TEKT5: variants seen among roughly 807,000 people sequenced by gnomAD.
TEKT5 encodes the protein tektin 5, also known as tektin-5.
In TEKT5, 52 loss-of-function variants were observed where a neutral mutation model predicts 48.7. The ratio of observed to expected loss-of-function variants is 1.07; its 90% CI spans 0.86 to 1.35. TEKT5 has a LOEUF of 1.35. Ranked by LOEUF, TEKT5 falls within the 40% of genes most tolerant of loss-of-function variation. TEKT5 has a pLI of 0.00. For missense variants in TEKT5, 831 were observed against 641.6 expected (o/e 1.30, Z -3.19); for synonymous variants, 318 against 267.6 (o/e 1.19, Z -1.84).
chr16:10,684,898 G>C (rs917425482), intron 3 of TEKT5, among the ~76,000 whole-genome samples: 1 of 152,186 alleles, frequency 6.6e-6, no homozygotes, highest in Non-Finnish European at 1.5e-5. Flanking sequence ...GCCCAGATGC[G>C]GGCCTCAGGC....
At chr16:10,665,896 C>T (rs944192672) in intron 5 of TEKT5, among the ~76,000 whole-genome samples, 3 of 152,194 alleles carry the variant, frequency 2.0e-5, no homozygotes, top group Non-Finnish European at 2.9e-5. Flanking sequence ...CCACAGATAG[C>T]AGAGCCTCTG....
chr16:10,677,515 C>T (rs1898669466), intron 4 of TEKT5, among the ~76,000 whole-genome samples: 1 of 145,692 alleles, frequency 6.9e-6, no homozygotes, highest in Non-Finnish European at 1.5e-5. Context: ...AAGGCTGAGG[C>T]AGGAGAATCA....
chr16:10,689,720 T>C (rs1442328373), intron 2 of TEKT5, among the ~76,000 whole-genome samples: 1 of 152,294 alleles, frequency 6.6e-6, no homozygotes, highest in South Asian at 2.1e-4. Context: ...GGTATATTAT[T>C]ATCATGCCCA....
At chr16:10,687,947 C>T (rs1325120743) in intron 3 of TEKT5, among the ~76,000 whole-genome samples, 5 of 152,128 alleles carry the variant, frequency 3.3e-5, no homozygotes, top group Non-Finnish European at 5.9e-5. Context: ...GTATCCATCC[C>T]CTCCAGCATT....
intron 5 of TEKT5, among the ~76,000 whole-genome samples, chr16:10,658,746 C>T (rs1898308424): frequency 6.6e-6 from 1 of 150,888 alleles, no homozygotes; most frequent in Non-Finnish European, 1.5e-5. Context: ...GAGACAGAGT[C>T]TCACTCTGTC....
rs550751543 is a variant in TEKT5, at chr16:10,648,621, C to T, written c.1087-12703G>A. 3.9e-5 allele frequency among the ~76,000 whole-genome samples: 6 copies of T among 152,298 alleles called. No homozygotes were observed. In the South Asian group the frequency reaches 1.2e-3, roughly 32 times the overall value. On this transcript the variant is annotated intron_variant, in intron 5 of 6. Coordinates refer to ENST00000283025, the MANE Select transcript of TEKT5 (RefSeq NM_144674.2). Reference sequence around the variant, plus strand: ...TGCTGGGATTACAGGCATGAGCCACCACGCCCTGCCTGCATCCCCTGGTTT... The same window carrying T: ...TGCTGGGATTACAGGCATGAGCCACTACGCCCTGCCTGCATCCCCTGGTTT...
chr16:10,650,095 G>A (rs548599541), intron 5 of TEKT5, among the ~76,000 whole-genome samples: 3 of 146,674 alleles, frequency 2.0e-5, no homozygotes, highest in South Asian at 2.2e-4. Context: ...TTTTTGAGAC[G>A]AAGTCTTGCT....
rs141126686 is a variant in TEKT5, at chr16:10,635,796, G to T, written c.1209C>A (p.Asn403Lys). 3.3e-4 allele frequency: 538 copies of T among 1,614,186 alleles called. 2 individuals are homozygous for T. The African/African-American group carries it at 6.4e-3, about 19-fold the overall frequency. Reference protein sequence around the residue: ...TRLECRTRRPNMELCRDIPQL... With the variant: ...TRLECRTRRPKMELCRDIPQL... Reference sequence around the variant, plus strand: ...GCGGGATGTCCCTGCACAGCTCCATGTTGGGGCGCCGGGTCCGGCACTCCA... The same window carrying T: ...GCGGGATGTCCCTGCACAGCTCCATTTTGGGGCGCCGGGTCCGGCACTCCA... Residue 403 changes from asparagine to lysine, a missense_variant, in exon 6 of 7, where the codon AAC becomes AAA. By Grantham distance (94) the Asn-to-Lys change is moderately conservative. Coordinates refer to ENST00000283025, the MANE Select transcript of TEKT5 (RefSeq NM_144674.2).
At chr16:10,679,920 A>ATAAC (rs1555467320) in intron 4 of TEKT5, among the ~76,000 whole-genome samples, 16 of 152,074 alleles carry the variant, frequency 1.1e-4, no homozygotes, top group South Asian at 8.3e-4. Context: ...AAATAAATAA[A>ATAAC]TAAGAAAACC....
At chr16:10,649,895 G>A (rs575228472) in intron 5 of TEKT5, among the ~76,000 whole-genome samples, 6 of 152,212 alleles carry the variant, frequency 3.9e-5, no homozygotes, top group Non-Finnish European at 5.9e-5. Flanking sequence ...CTAGGAGGAG[G>A]ACACTGAGGG....
At chr16:10,634,638 G>A (rs1897887624) in intron 6 of TEKT5, among the ~76,000 whole-genome samples, 1 of 152,186 alleles carries the variant, frequency 6.6e-6, no homozygotes, top group Non-Finnish European at 1.5e-5. Flanking sequence ...CAGAAAGAGT[G>A]ATGGACTGTC....
chr16:10,664,633 AAT>A, intron 5 of TEKT5, among the ~76,000 whole-genome samples: 1 of 152,340 alleles, frequency 6.6e-6, no homozygotes, highest in East Asian at 1.9e-4. Context: ...GGGCAATTCC[AAT>A]GTGGCACTAA....
At chr16:10,681,925 TG>T in intron 4 of TEKT5, 67 bp downstream of exon 4, 1 of 1,569,494 alleles carries the variant, frequency 6.4e-7, no homozygotes, top group Non-Finnish European at 8.7e-7. Flanking sequence ...CGCCATTCGT[TG>T]GCAGGAGCAG....
intron 5 of TEKT5, among the ~76,000 whole-genome samples, chr16:10,643,074 G>T (rs1898017866): frequency 1.3e-5 from 2 of 152,176 alleles, no homozygotes; most frequent in African/African-American, 4.8e-5. Context: ...CACAATTACT[G>T]TGTCAATTTA....
At chr16:10,678,550 C>T (rs1286665828) in intron 4 of TEKT5, among the ~76,000 whole-genome samples, 4 of 152,162 alleles carry the variant, frequency 2.6e-5, no homozygotes, top group African/African-American at 9.7e-5. Flanking sequence ...AGGAGTGGCA[C>T]TAAGTCAGGT....
intron 6 of TEKT5, among the ~76,000 whole-genome samples, chr16:10,631,955 C>T (rs778667773): frequency 5.9e-5 from 9 of 152,198 alleles, no homozygotes; most frequent in Non-Finnish European, 1.2e-4. Flanking sequence ...GAAATGAATG[C>T]GGCAAGGTGA....
chr16:10,677,009 C>A (rs574247711), intron 4 of TEKT5, among the ~76,000 whole-genome samples: 1 of 152,320 alleles, frequency 6.6e-6, no homozygotes, highest in East Asian at 1.9e-4. Flanking sequence ...TGTGGTGAAA[C>A]CCACATCTCT....
chr16:10,634,682 T>A lies in TEKT5; in HGVS notation c.1241+1082A>T, dbSNP rs181411833. On this transcript the variant is annotated intron_variant, in intron 6 of 6. Coordinates refer to ENST00000283025, the MANE Select transcript of TEKT5 (RefSeq NM_144674.2). ...GGTTAGGTTACAAAAGACTGTGACA[T>A]CCTTGTGGCTGGTACTGTCATTGTC... is the stretch of plus-strand genomic sequence containing the variant. Among the ~76,000 whole-genome samples, 59 of 152,288 alleles carry A rather than the reference T, an allele frequency of 3.9e-4. 2 individuals carry two copies. In the East Asian group the frequency reaches 0.01, roughly 26 times the overall value.
chr16:10,679,454 T>TA (rs60522817), intron 4 of TEKT5, among the ~76,000 whole-genome samples: 2,876 of 120,184 alleles, frequency 0.024, 69 homozygotes, highest in African/African-American at 0.065. Context: ...AGACTCTGTC[T>TA]AAAAAAAAAA....
Sources: gnomAD v4.1 joint callset for allele counts (sites outside exome capture counted in the v4.1 genomes callset) on GRCh38, gnomAD v4.1.1 for gene constraint, MANE v1.5 for transcripts, NCBI Gene and HGNC (gene_info 2026-07-23, HGNC 2026-07-21) for gene names.